MARCHF4: variants seen among roughly 807,000 people sequenced by gnomAD.
The protein encoded by MARCHF4 is E3 ubiquitin-protein ligase MARCHF4.
MARCHF4 carries 14 observed loss-of-function variants against 43.9 expected under a neutral mutation model. That is an observed-to-expected ratio of 0.32 (90% confidence interval 0.21 to 0.50). The LOEUF (loss-of-function observed/expected upper bound fraction) is 0.50. Among genes scored for constraint, MARCHF4 ranks in the 20% least tolerant of loss-of-function variants. The pLI is 0.98. For synonymous variants in MARCHF4, 226 were observed against 213.3 expected (o/e 1.06, Z -0.52); for missense variants, 468 against 536.7 (o/e 0.87, Z 1.27).
intron 1 of MARCHF4, among the ~76,000 whole-genome samples, chr2:216,320,654 T>A (rs1188156554): frequency 8.1e-6 from 1 of 123,254 alleles, no homozygotes; most frequent in Admixed American, 8.2e-5. Context: ...TTTCTTTCTT[T>A]CTTTCTTTCT....
Position 216,259,458 on chromosome 2 carries a change from G to C in MARCHF4, c.1087C>G (p.Gln363Glu). The C allele has an allele frequency of 6.2e-7, 1 of 1,614,162 alleles. No homozygotes were observed. Among genetic ancestry groups the C allele is most frequent in the Non-Finnish European group, 8.5e-7 (1 of 1,180,008 alleles). Residue 363 changes from glutamine to glutamate, a missense_variant, in exon 4 of 4, where the codon CAG becomes GAG. Physicochemically the swap from Gln to Glu is conservative, Grantham distance 29. Transcript: ENST00000273067. ...GTPAPEQGPA[Q>E]AAGHPSGPLS... ...GGGCCTGAGGGGTGGCCGGCAGCCT[G>C]GGCAGGGCCCTGCTCAGGGGCAGGG... is the stretch of plus-strand genomic sequence containing the variant.
chr2:216,263,510 AGAGAGAGAGAGAGAGAGAGAG>A (rs1690783090), intron 3 of MARCHF4, among the ~76,000 whole-genome samples: 3 of 127,896 alleles, frequency 2.3e-5, no homozygotes, highest in South Asian at 2.5e-4. Context: ...AGAGAGAGAG[AGAGAGAGAGAGAGAGAGAGAG>A]AGAGAGAAAG....
intron 1 of MARCHF4, among the ~76,000 whole-genome samples, chr2:216,301,672 A>G (rs1436709548): frequency 3.3e-5 from 5 of 152,372 alleles, no homozygotes; most frequent in South Asian, 2.1e-4. Flanking sequence ...GAACACAAAT[A>G]TAGAAAAGAA....
intron 1 of MARCHF4, among the ~76,000 whole-genome samples, chr2:216,310,146 C>T (rs983950998): frequency 1.3e-5 from 2 of 152,206 alleles, no homozygotes; most frequent in African/African-American, 4.8e-5. Flanking sequence ...TGGTGCCAGG[C>T]GCCTCTCAAC....
At chr2:216,287,137 A>G (rs1438681066) in intron 1 of MARCHF4, among the ~76,000 whole-genome samples, 1 of 152,096 alleles carries the variant, frequency 6.6e-6, no homozygotes, top group East Asian at 1.9e-4. Context: ...TTCCTGGCCC[A>G]GCTCAGACCC....
In MARCHF4 at chr2:216,259,268, G is replaced by A. The variant is rs761634471; in HGVS notation, c.*44C>T. On this transcript the variant is annotated 3_prime_UTR_variant, in exon 4 of 4. Transcript: ENST00000273067. ...CCACTGCACCTCCCCACCCTGCTCC[G>A]GGCCCTCAGTGGTGGTCATGGCCTT... is the stretch of plus-strand genomic sequence containing the variant. 38 of 1,504,564 alleles carry A rather than the reference G, an allele frequency of 2.5e-5. No homozygotes were observed. The highest frequency in any genetic ancestry group is 1.6e-4 in the East Asian group (7 of 43,858). 93.2% of individuals were successfully genotyped at this position (1,504,564 alleles called of 1,614,324 possible).
At chr2:216,273,389 T>C (rs1690970273) in intron 3 of MARCHF4, among the ~76,000 whole-genome samples, 1 of 152,226 alleles carries the variant, frequency 6.6e-6, no homozygotes, top group African/African-American at 2.4e-5. Context: ...ACTCGGCTTT[T>C]TGAGCCAACA....
intron 1 of MARCHF4, among the ~76,000 whole-genome samples, chr2:216,364,934 T>A (rs1462428700): frequency 6.6e-6 from 1 of 152,244 alleles, no homozygotes; most frequent in Non-Finnish European, 1.5e-5. Context: ...TAACAGTTTG[T>A]TAGCTGGATT....
intron 1 of MARCHF4, among the ~76,000 whole-genome samples, chr2:216,357,170 A>C (rs1033703721): frequency 6.6e-6 from 1 of 152,324 alleles, no homozygotes; most frequent in East Asian, 1.9e-4. Flanking sequence ...TAATCTACAT[A>C]TCTTATTTGA....
chr2:216,322,000 G>C (rs769638370), intron 1 of MARCHF4, among the ~76,000 whole-genome samples: 1 of 152,170 alleles, frequency 6.6e-6, no homozygotes, highest in Non-Finnish European at 1.5e-5. Flanking sequence ...CCTGTGAATA[G>C]ACCTTTGTTT....
intron 1 of MARCHF4, among the ~76,000 whole-genome samples, chr2:216,292,596 T>G (rs1050099340): frequency 2.0e-5 from 3 of 152,212 alleles, no homozygotes; most frequent in Non-Finnish European, 4.4e-5. Flanking sequence ...TTGTAACACT[T>G]CTTGGACTCT....
intron 1 of MARCHF4, among the ~76,000 whole-genome samples, chr2:216,319,234 A>G (rs1691840109): frequency 6.6e-6 from 1 of 152,116 alleles, no homozygotes; most frequent in African/African-American, 2.4e-5. Flanking sequence ...CTTAAACCCA[A>G]GAAGCAGAGA....
At chr2:216,362,256 AC>A (rs1692593541) in intron 1 of MARCHF4, among the ~76,000 whole-genome samples, 1 of 152,154 alleles carries the variant, frequency 6.6e-6, no homozygotes, top group African/African-American at 2.4e-5. Flanking sequence ...GGTCATCCAT[AC>A]CCTCATTGCT....
chr2:216,270,631 G>A (rs1002621751), intron 3 of MARCHF4, among the ~76,000 whole-genome samples: 2 of 152,088 alleles, frequency 1.3e-5, no homozygotes, highest in Non-Finnish European at 2.9e-5. Flanking sequence ...GCTTAGAGAG[G>A]CTCTTGCCTC....
chr2:216,369,989 C>A lies in MARCHF4; in HGVS notation c.272G>T (p.Arg91Met). 6.5e-7 allele frequency: 1 copy of A among 1,546,078 alleles called. No individual in the cohort carries two copies. The highest frequency in any genetic ancestry group is 1.2e-5 in the South Asian group (1 of 85,100). The change falls in exon 1 of 4, where the codon AGG becomes ATG. Residue 91 changes from arginine to methionine, a missense_variant. Transcript: ENST00000273067. ...CCTGCCCACCACTTCTCGGGGGCCC[C>A]TCCAGCCTGCCCACCCCCCGGCGCC... ...ALGAGGWAGW[R>M]GPREVVGREP... is the part of the protein sequence containing the mutation.
chr2:216,272,548 C>T (rs1356806192), intron 3 of MARCHF4, among the ~76,000 whole-genome samples: 1 of 152,230 alleles, frequency 6.6e-6, no homozygotes, highest in Non-Finnish European at 1.5e-5. Context: ...CCTGGAATTA[C>T]AGCCAGAAGT....
At chr2:216,320,765 G>A (rs547437150) in intron 1 of MARCHF4, among the ~76,000 whole-genome samples, 8 of 148,536 alleles carry the variant, frequency 5.4e-5, no homozygotes, top group African/African-American at 1.7e-4. Flanking sequence ...CTGCCTCCCA[G>A]GTTCAAATGA....
intron 2 of MARCHF4, among the ~76,000 whole-genome samples, chr2:216,278,617 T>G (rs1474001013): frequency 6.6e-6 from 1 of 152,210 alleles, no homozygotes; most frequent in Non-Finnish European, 1.5e-5. Context: ...TGATTTTTTT[T>G]TCTTGCTTTC....
chr2:216,297,947 G>A (rs918119419), intron 1 of MARCHF4, among the ~76,000 whole-genome samples: 1 of 152,158 alleles, frequency 6.6e-6, no homozygotes, highest in Non-Finnish European at 1.5e-5. Flanking sequence ...CTCAGCTTTT[G>A]CCATGCTTTT....
Sources: gnomAD v4.1 joint callset for allele counts (sites outside exome capture counted in the v4.1 genomes callset) on GRCh38, gnomAD v4.1.1 for gene constraint, MANE v1.5 for transcripts, NCBI Gene and HGNC (gene_info 2026-07-23, HGNC 2026-07-21) for gene names.